The following C4orf17 variants were observed in gnomAD, a reference collection of about 807,000 sequenced individuals.
C4orf17 encodes the protein chromosome 4 open reading frame 17.
In C4orf17, 25 loss-of-function variants were observed where a neutral mutation model predicts 32.0. The ratio of observed to expected loss-of-function variants is 0.78; its 90% CI spans 0.57 to 1.09. The LOEUF (loss-of-function observed/expected upper bound fraction) is 1.09, where lower values mean the gene tolerates loss of function less well. C4orf17 is among the 50% of genes least tolerant of loss of function. C4orf17 has a pLI of 0.00. For synonymous variants in C4orf17, 149 were observed against 145.8 expected (o/e 1.02, Z -0.16); for missense variants, 420 against 420.0 (o/e 1.00, Z 0.00).
intron 5 of C4orf17, among the ~76,000 whole-genome samples, chr4:99,536,537 C>T (rs1723565476): frequency 6.6e-6 from 1 of 152,176 alleles, no homozygotes; most frequent in Non-Finnish European, 1.5e-5. Context: ...TTGTGGCGGA[C>T]TCCTCCTTGT....
intron 5 of C4orf17, among the ~76,000 whole-genome samples, chr4:99,535,742 C>A (rs1014211988): frequency 8.5e-5 from 13 of 152,182 alleles, no homozygotes; most frequent in African/African-American, 2.9e-4. Flanking sequence ...TCTCATTCAG[C>A]CATCTCAGCC....
chr4:99,519,031 G>T (rs1228152922), intron 2 of C4orf17, among the ~76,000 whole-genome samples: 1 of 152,130 alleles, frequency 6.6e-6, no homozygotes, highest in Admixed American at 6.5e-5. Flanking sequence ...ATTAGGAAGT[G>T]CTTTTGGGAA....
intron 5 of C4orf17, among the ~76,000 whole-genome samples, chr4:99,530,747 T>C (rs1680568052): frequency 6.6e-6 from 1 of 152,130 alleles, no homozygotes; most frequent in South Asian, 2.1e-4. Flanking sequence ...CAGAGTATGA[T>C]AGTGACATTG....
In C4orf17 at chr4:99,513,120, G is replaced by A; in HGVS notation, c.39G>A (p.Glu13=). Reference sequence around the variant, plus strand: ...CCCCGACATCTGCTCTTCAGATCGAGGGCAAAGGCAGCCATATTATGGCTA... The same window carrying A: ...CCCCGACATCTGCTCTTCAGATCGAAGGCAAAGGCAGCCATATTATGGCTA... The part of the protein sequence containing the change: ...LNPPTSALQI[E]GKGSHIMARN... Residue 13 remains glutamate, a synonymous_variant, in exon 2 of 9, where the codon GAG becomes GAA. Transcript: ENST00000326581. The A allele has an allele frequency of 3.1e-6, 5 of 1,613,874 alleles. No individual in the cohort carries two copies. Among genetic ancestry groups the A allele is most frequent in the South Asian group, 2.2e-5 (2 of 91,074 alleles).
intron 2 of C4orf17, 131 bp from the exon 3 acceptor site, chr4:99,522,356 TTTGGTTTATACAA>T (rs998376120): frequency 7.5e-4 from 497 of 663,704 alleles, no homozygotes; most frequent in East Asian, 3.0e-3. Context: ...AATTTTTTTT[TTTGGTTTATACAA>T]TTTGAAGTTC....
chr4:99,521,169 C>T (rs937832499), intron 2 of C4orf17, among the ~76,000 whole-genome samples: 8 of 152,044 alleles, frequency 5.3e-5, no homozygotes, highest in East Asian at 1.9e-4. Context: ...GTCAGGAGTT[C>T]GAGACCAGCC....
At chr4:99,523,673 A>G (rs1341468444) in intron 3 of C4orf17, among the ~76,000 whole-genome samples, 4 of 152,218 alleles carry the variant, frequency 2.6e-5, no homozygotes, top group Non-Finnish European at 5.9e-5. Flanking sequence ...TAAGATTTCT[A>G]TAGCAGATGT....
chr4:99,538,189 C>T (rs17029108), intron 6 of C4orf17, among the ~76,000 whole-genome samples: 53,731 of 152,102 alleles, frequency 0.35, 10,186 homozygotes, highest in African/African-American at 0.49. Context: ...CCCAGCAAAA[C>T]CATCAACTCA....
In C4orf17 at chr4:99,517,041, G is replaced by A. The variant is rs145276985; in HGVS notation, c.127+3833G>A. ...ATTTGATGGCTCGCTTAAACAACCT[G>A]CTTTTTAAAAGCGCTTCTCTCTGTC... On this transcript the variant is annotated intron_variant, in intron 2 of 8. Coordinates refer to ENST00000326581, the MANE Select transcript of C4orf17 (RefSeq NM_032149.3). 1.6e-3 allele frequency among the ~76,000 whole-genome samples: 249 copies of A among 152,268 alleles called. 1 individual carries two copies. Among genetic ancestry groups the A allele is most frequent in the African/African-American group, 5.9e-3 (244 of 41,556 alleles).
intron 3 of C4orf17, among the ~76,000 whole-genome samples, chr4:99,523,016 G>A (rs1412493053): frequency 6.6e-6 from 1 of 152,020 alleles, no homozygotes; most frequent in African/African-American, 2.4e-5. Context: ...ACACTGATGG[G>A]GAAATGATGT....
chr4:99,514,016 G>A (rs1016848064), intron 2 of C4orf17, among the ~76,000 whole-genome samples: 1 of 152,008 alleles, frequency 6.6e-6, no homozygotes, highest in African/African-American at 2.4e-5. Flanking sequence ...TACCACCCCC[G>A]ACAAAGTAGC....
intron 2 of C4orf17, among the ~76,000 whole-genome samples, chr4:99,518,190 ACTTCCACT>A (rs1470412395): frequency 6.6e-6 from 1 of 151,958 alleles, no homozygotes; most frequent in Admixed American, 6.6e-5. Context: ...TAGCAGCTTT[ACTTCCACT>A]CTTGCCCTCT....
At chr4:99,538,095 A>G (rs543106704) in intron 6 of C4orf17, among the ~76,000 whole-genome samples, 104 of 152,204 alleles carry the variant, frequency 6.8e-4, no homozygotes, top group Non-Finnish European at 8.1e-4. Context: ...GCCTGTTGTT[A>G]ACTCTGAACA....
chr4:99,522,834 A>G (rs1723317177), intron 3 of C4orf17, 125 bp downstream of exon 3: 1 of 707,202 alleles, frequency 1.4e-6, no homozygotes, highest in Non-Finnish European at 2.3e-6. Flanking sequence ...TGTGAGGAAC[A>G]TAAATTTTGT....
chr4:99,521,331 C>T (rs1228551818), intron 2 of C4orf17, among the ~76,000 whole-genome samples: 1 of 151,460 alleles, frequency 6.6e-6, no homozygotes, highest in Non-Finnish European at 1.5e-5. Context: ...GCAGAGATTG[C>T]ACCATTGCAC....
intron 5 of C4orf17, among the ~76,000 whole-genome samples, chr4:99,530,773 C>T (rs921499106): frequency 6.6e-6 from 1 of 151,916 alleles, no homozygotes; most frequent in South Asian, 2.1e-4. Flanking sequence ...ATAATTTATG[C>T]TGATAATTAA....
chr4:99,529,046 A>G (rs185970444), intron 4 of C4orf17, among the ~76,000 whole-genome samples: 46 of 152,332 alleles, frequency 3.0e-4, no homozygotes, highest in Non-Finnish European at 3.2e-4. Flanking sequence ...GAATGCCTCA[A>G]ATATAATGTA....
chr4:99,537,797 C>T (rs746943351), intron 6 of C4orf17, 47 bp downstream of exon 6: 2 of 1,338,814 alleles, frequency 1.5e-6, no homozygotes, highest in East Asian at 4.6e-5. Flanking sequence ...AATTTATTGT[C>T]AGAAACTGGG....
intron 5 of C4orf17, among the ~76,000 whole-genome samples, chr4:99,536,422 T>G (rs1183736842): frequency 6.6e-6 from 1 of 151,406 alleles, no homozygotes. Flanking sequence ...CTGGCTGGAG[T>G]TGCTGAAATT....
Sources: gnomAD v4.1 joint callset for allele counts (sites outside exome capture counted in the v4.1 genomes callset) on GRCh38, gnomAD v4.1.1 for gene constraint, MANE v1.5 for transcripts, NCBI Gene and HGNC (gene_info 2026-07-23, HGNC 2026-07-21) for gene names.